Variants in CD160 observed in about 807,000 individuals in gnomAD.
CD160 encodes CD160 molecule, also known as CD160 antigen.
Under a neutral mutation model 19.2 loss-of-function variants are expected in CD160, and 11 were observed. The ratio of observed to expected loss-of-function variants is 0.57; its 90% CI spans 0.36 to 0.95. CD160 has a LOEUF of 0.95. Among genes scored for constraint, CD160 ranks in the 40% least tolerant of loss-of-function variants. The pLI, the probability that CD160 is intolerant of heterozygous loss-of-function variation, is 0.01. For missense variants in CD160, 182 were observed against 213.2 expected, an observed-to-expected ratio of 0.85 and a Z score of 0.91; for synonymous variants, 75 against 81.1, an observed-to-expected ratio of 0.93 and a Z score of 0.40.
At chr1:145,732,905 T>A (rs1657350237) in intron 4 of CD160, among the ~76,000 whole-genome samples, 1 of 152,166 alleles carries the variant, frequency 6.6e-6, no homozygotes, top group Admixed American at 6.5e-5. Context: ...TTCTAGCACA[T>A]CTTCATCTAC....
At chr1:145,736,402 C>T (rs1439657829) in intron 5 of CD160, 3 of 737,614 alleles carry the variant, frequency 4.1e-6, no homozygotes, top group Non-Finnish European at 6.3e-6. Flanking sequence ...CAAGTTAGTA[C>T]AACTACCTCT....
rs1657137791 is a variant in CD160 at position 145,728,365 on chromosome 1, C to A, written c.38C>A (p.Ala13Asp). ...LEPGRGCCAL[A>D]ILLAIVDIQS... Reference sequence around the variant, plus strand: ...CCCGGCAGAGGCTGCTGTGCCCTGGCCATCCTGCTGGCAATTGTGGACATC... The same window carrying A: ...CCCGGCAGAGGCTGCTGTGCCCTGGACATCCTGCTGGCAATTGTGGACATC... Residue 13 changes from alanine to aspartate, a missense_variant, in exon 3 of 6, where the codon GCC becomes GAC. Coordinates refer to ENST00000369288, the MANE Select transcript of CD160 (RefSeq NM_007053.4). 1.9e-6 allele frequency: 3 copies of A among 1,613,070 alleles called. No homozygotes were observed. Among genetic ancestry groups the A allele is most frequent in the South Asian group, 2.2e-5 (2 of 91,066 alleles).
At chr1:145,735,678 A>G (rs937269354) in intron 4 of CD160, among the ~76,000 whole-genome samples, 3 of 152,066 alleles carry the variant, frequency 2.0e-5, no homozygotes, top group Non-Finnish European at 2.9e-5. Context: ...TGCTTGAACC[A>G]CTCTAGAAAA....
chr1:145,728,113 C>T, intron 2 of CD160, 143 bp from the exon 3 acceptor site: 2 of 522,784 alleles, frequency 3.8e-6, no homozygotes, highest in Non-Finnish European at 6.9e-6. Context: ...TTTACCGCCT[C>T]ACTTCCCAGC....
chr1:145,725,144 G>A (rs1163848658), intron 2 of CD160, among the ~76,000 whole-genome samples: 1 of 151,800 alleles, frequency 6.6e-6, no homozygotes, highest in African/African-American at 2.4e-5. Flanking sequence ...ACTAGGCCGG[G>A]CGTGGTGGTT....
chr1:145,729,955 T>A (rs1242260836), intron 3 of CD160, among the ~76,000 whole-genome samples: 2 of 152,230 alleles, frequency 1.3e-5, no homozygotes, highest in African/African-American at 4.8e-5. Flanking sequence ...CAGGAATCTC[T>A]AAGATTCCTC....
intron 2 of CD160, among the ~76,000 whole-genome samples, chr1:145,725,201 C>G (rs1305666784): frequency 6.6e-6 from 1 of 151,848 alleles, no homozygotes; most frequent in Non-Finnish European, 1.5e-5. Context: ...GGGTGGATCA[C>G]AAGGTTAGGA....
intron 2 of CD160, among the ~76,000 whole-genome samples, 185 bp downstream of exon 2, chr1:145,725,091 A>G (rs972193656): frequency 6.6e-6 from 1 of 151,758 alleles, no homozygotes; most frequent in Non-Finnish European, 1.5e-5. Flanking sequence ...TTTAAATATA[A>G]TATTATAAAA....
At chr1:145,733,912 T>C (rs983494499) in intron 4 of CD160, among the ~76,000 whole-genome samples, 2 of 151,526 alleles carry the variant, frequency 1.3e-5, no homozygotes, top group Non-Finnish European at 2.9e-5. Context: ...TGAACACCTT[T>C]CCTAAGTTTT....
chr1:145,720,033 T>A (rs1656767429), intron 1 of CD160, among the ~76,000 whole-genome samples: 1 of 152,240 alleles, frequency 6.6e-6, no homozygotes, highest in Non-Finnish European at 1.5e-5. Flanking sequence ...TTATTTTCAC[T>A]AATCTTTAAT....
chr1:145,732,038 ACT>A (rs1458806688), intron 4 of CD160, among the ~76,000 whole-genome samples: 1 of 152,100 alleles, frequency 6.6e-6, no homozygotes, highest in Non-Finnish European at 1.5e-5. Context: ...CTCCATTACT[ACT>A]TTGGCATATC....
intron 5 of CD160, 192 bp downstream of exon 5, chr1:145,736,326 A>G: frequency 6.6e-7 from 1 of 1,510,686 alleles, no homozygotes; most frequent in Non-Finnish European, 8.9e-7. Context: ...GGAGGAAGAC[A>G]GATAAATCAG....
intron 4 of CD160, among the ~76,000 whole-genome samples, chr1:145,732,070 C>G (rs1420553940): frequency 6.6e-6 from 1 of 152,168 alleles, no homozygotes; most frequent in Admixed American, 6.5e-5. Context: ...GCCACTCCAG[C>G]CCCAGCTTTA....
At chr1:145,730,723 A>T in intron 3 of CD160, 21 bp from the exon 4 acceptor site, 1 of 1,600,490 alleles carries the variant, frequency 6.2e-7, no homozygotes, top group Non-Finnish European at 8.5e-7. Context: ...CCTCTGGGTA[A>T]TTCTTCCCTT....
In CD160 at chr1:145,736,041, C is replaced by CT. The variant is rs1657474155; in HGVS notation, c.447dup (p.Glu150Ter). 6.2e-7 allele frequency: 1 copy of CT among 1,613,898 alleles called. No homozygotes were observed. Among genetic ancestry groups the CT allele is most frequent in the African/African-American group, 1.3e-5 (1 of 74,922 alleles). On this transcript the variant is annotated frameshift_variant, in exon 5 of 6. Coordinates refer to ENST00000369288, the MANE Select transcript of CD160 (RefSeq NM_007053.4). LOFTEE classifies it high-confidence loss of function. ...GACGGGATTGAAACAAAGACAACAC[C>CT]TTGAGTTCAGCCATAATGAAGGCAC...
intron 4 of CD160, among the ~76,000 whole-genome samples, chr1:145,735,200 TATTTAATCTCC>T: frequency 6.6e-6 from 1 of 152,232 alleles, no homozygotes; most frequent in East Asian, 1.9e-4. Context: ...GATATTATAT[TATTTAATCTCC>T]ATGGTCTTTT....
Position 145,735,999 on chromosome 1 carries a change from A to T in CD160, c.403A>T (p.Thr135Ser). The part of the protein sequence containing the change: ...GHFFSILFTE[T>S]GNYTVTGLKQ... ...TCCATGATTCTCTTTTGAACCAGAG[A>T]CAGGGAACTACACAGTGACGGGATT... Residue 135 changes from threonine (T) to serine (S), a missense_variant and splice_region_variant, in exon 5 of 6, where the codon ACA becomes TCA. Coordinates refer to ENST00000369288, the MANE Select transcript of CD160 (RefSeq NM_007053.4). The T allele has an allele frequency of 6.9e-6, 11 of 1,604,958 alleles. No individual in the cohort carries two copies. Among genetic ancestry groups the T allele is most frequent in the Non-Finnish European group, 8.5e-6 (10 of 1,173,062 alleles).
At chr1:145,724,007 A>G (rs757698424) in intron 1 of CD160, among the ~76,000 whole-genome samples, 1 of 152,184 alleles carries the variant, frequency 6.6e-6, no homozygotes, top group South Asian at 2.1e-4. Flanking sequence ...TGCATTTGAA[A>G]TGTTAATATA....
At chr1:145,731,401 T>C (rs1169499343) in intron 4 of CD160, among the ~76,000 whole-genome samples, 1 of 152,148 alleles carries the variant, frequency 6.6e-6, no homozygotes, top group Non-Finnish European at 1.5e-5. Context: ...CCAGGCATGG[T>C]GGCTCATGCC....
Sources: allele counts gnomAD v4.1 joint callset (sites outside exome capture counted in the v4.1 genomes callset), GRCh38; gene constraint gnomAD v4.1.1; transcripts MANE v1.5; gene names NCBI Gene and HGNC (gene_info 2026-07-23, HGNC 2026-07-21).